The following CDCA7 variants were observed in gnomAD, a reference collection of about 807,000 sequenced individuals.
CDCA7 encodes cell division cycle associated 7.
In CDCA7, 28 loss-of-function variants were observed where a neutral mutation model predicts 54.0. That is an observed-to-expected ratio of 0.52 (90% CI 0.38 to 0.71). The LOEUF is 0.71. Ranked by LOEUF, CDCA7 falls within the 30% of genes least tolerant of loss-of-function variation. CDCA7 has a pLI of 0.00. For synonymous variants in CDCA7, 180 were observed against 208.2 expected, an observed-to-expected ratio of 0.86 and a Z score of 1.16; for missense variants, 484 against 586.0, an observed-to-expected ratio of 0.83 and a Z score of 1.80.
chr2:173,358,737 A>T lies in CDCA7; in HGVS notation c.47A>T (p.Asn16Ile), dbSNP rs1171106372. 6.2e-7 allele frequency: 1 copy of T among 1,613,860 alleles called. No individual in the cohort carries two copies. Among genetic ancestry groups the T allele is most frequent in the Non-Finnish European group, 8.5e-7 (1 of 1,179,886 alleles). The change falls in exon 2 of 10, where the codon AAC becomes ATC. Residue 16 changes from asparagine (N) to isoleucine (I), a missense_variant. Physicochemically the swap from Asn to Ile is moderately radical, Grantham distance 149. Transcript: ENST00000306721. Reference sequence around the variant, plus strand: ...CAGAAAGATCTCAGAGTAAAGAAGAACTTAAAGAAATTCAGATATGTGAAG... The same window carrying T: ...CAGAAAGATCTCAGAGTAAAGAAGATCTTAAAGAAATTCAGATATGTGAAG... ...VPQKDLRVKK[N>I]LKKFRYVKLI...
chr2:173,358,881 C>A, intron 2 of CDCA7, 44 bp downstream of exon 2: 1 of 1,584,474 alleles, frequency 6.3e-7, no homozygotes, highest in South Asian at 1.2e-5. Flanking sequence ...CTGCAGTGCT[C>A]AAAATGCCCC....
In CDCA7 at chr2:173,368,828, G is replaced by A. The variant is rs1686770358; in HGVS notation, c.*1164G>A. ...TTGATGCATAATTGGACCTTGAATC[G>A]ATAAGTGTAAATACAGCTTTTGATC... On this transcript the variant is annotated 3_prime_UTR_variant, in exon 10 of 10. Transcript: ENST00000306721. 6.6e-6 allele frequency: 1 copy of A among 152,120 alleles called. No individual in the cohort carries two copies. The highest frequency in any genetic ancestry group is 6.5e-5 in the Admixed American group (1 of 15,274). The allele number at this position is 152,120 out of a possible 1,614,324, so 9.4% of individuals were successfully genotyped here.
rs1248125230 is a variant in CDCA7, at chr2:173,363,233, A to T, written c.392A>T (p.Gln131Leu). 2 of 1,614,096 alleles carry T rather than the reference A, an allele frequency of 1.2e-6. No homozygotes were observed. The highest frequency in any genetic ancestry group is 1.7e-6 in the Non-Finnish European group (2 of 1,179,966). The change falls in exon 4 of 10, where the codon CAG becomes CTG. Residue 131 changes from glutamine to leucine, a missense_variant. By Grantham distance (113) the Gln-to-Leu change is moderately radical. This residue lies in a region of CDCA7 where 398 missense variants were observed against 447.4 expected (regional missense o/e 0.89). Transcript: ENST00000306721. The part of the protein sequence containing the change: ...ESEIQDGMRL[Q>L]SVREGCRTRS... Reference sequence around the variant, plus strand: ...CTCAATTGTTGTGATTAGAGGCTGCAGTCAGTTCGGGAAGGCTGTAGGACC... The same window carrying T: ...CTCAATTGTTGTGATTAGAGGCTGCTGTCAGTTCGGGAAGGCTGTAGGACC...
At chr2:173,365,209 G>A (rs1345838743) in intron 6 of CDCA7, among the ~76,000 whole-genome samples, 4 of 152,140 alleles carry the variant, frequency 2.6e-5, no homozygotes, top group East Asian at 1.9e-4. Context: ...TGTAGGCATC[G>A]TTTCCAAAAT....
intron 3 of CDCA7, among the ~76,000 whole-genome samples, chr2:173,362,433 T>C (rs1686638400): frequency 1.3e-5 from 2 of 152,192 alleles, no homozygotes; most frequent in African/African-American, 2.4e-5. Context: ...TGCCATTGAC[T>C]TGTATACTTA....
At chr2:173,360,150 T>G (rs1037269009) in intron 3 of CDCA7, among the ~76,000 whole-genome samples, 2 of 152,252 alleles carry the variant, frequency 1.3e-5, no homozygotes, top group African/African-American at 4.8e-5. Context: ...AAGTGCATGC[T>G]CTTCAACTCA....
chr2:173,359,240 T>A lies in CDCA7; in HGVS notation c.148-15T>A. 6.3e-7 allele frequency: 1 copy of A among 1,590,176 alleles called. No homozygotes were observed. The highest frequency in any genetic ancestry group is 1.1e-5 in the South Asian group (1 of 88,726). On this transcript the variant is annotated splice_polypyrimidine_tract_variant and intron_variant, in intron 2 of 9. Transcript: ENST00000306721. The stretch of plus-strand genomic sequence containing the variant: ...AAAAAAAATGCACAACCGCATTTAT[T>A]TATTTATTTTACAGAAACCTAAATT...
Position 173,366,303 on chromosome 2 carries a change from C to T in CDCA7, c.1056C>T (p.Cys352=). Residue 352 remains cysteine (C), a synonymous_variant, in exon 8 of 10, where the codon TGC becomes TGT. Transcript: ENST00000306721. This position sits in a 1 kb window ranked among gnomAD's most constrained non-coding sequence, Gnocchi z 4.5. ...NRSLGSTCHQ[C]RQKTIDTKTN... is the part of the protein sequence containing the mutation. ...TGTAGGGCTCTACTTGTCATCAATG[C>T]CGTCAGAAGACTATTGATACCAAAA... is the stretch of plus-strand genomic sequence containing the variant. 1.2e-6 allele frequency: 2 copies of T among 1,612,968 alleles called. No individual in the cohort carries two copies. The highest frequency in any genetic ancestry group is 1.7e-6 in the Non-Finnish European group (2 of 1,179,644).
chr2:173,361,779 A>T (rs62175710), intron 3 of CDCA7, among the ~76,000 whole-genome samples: 2 of 151,422 alleles, frequency 1.3e-5, no homozygotes, highest in Non-Finnish European at 2.9e-5. Context: ...TCTACTATGA[A>T]GTGGTGTCTC....
At chr2:173,363,046 A>G (rs1686652200) in intron 3 of CDCA7, among the ~76,000 whole-genome samples, 180 bp from the exon 4 acceptor site, 1 of 152,256 alleles carries the variant, frequency 6.6e-6, no homozygotes, top group African/African-American at 2.4e-5. Context: ...GATGGGCTAC[A>G]TGGAATTAAA....
chr2:173,362,147 A>G (rs1034014582), intron 3 of CDCA7, among the ~76,000 whole-genome samples: 6 of 152,116 alleles, frequency 3.9e-5, no homozygotes, highest in Non-Finnish European at 5.9e-5. Flanking sequence ...ACATTACCCT[A>G]TGGCTAATTT....
chr2:173,368,057 T>C lies in CDCA7; in HGVS notation c.*393T>C. The C allele has an allele frequency of 5.4e-6, 1 of 185,050 alleles. No homozygotes were observed. Among genetic ancestry groups the C allele is most frequent in the Admixed American group, 5.7e-5 (1 of 17,652 alleles). The allele number at this position is 185,050 out of a possible 1,614,324, so 11.5% of individuals were successfully genotyped here. A position where few individuals can be genotyped will look rare whatever the true frequency, so the allele number is the denominator to read the frequency against. On this transcript the variant is annotated 3_prime_UTR_variant, in exon 10 of 10. Transcript: ENST00000306721. ...AATAATAGTATTAACTAACTAGATC[T>C]ATTGAATTTCAGAGAAGAGCCTTCT...
chr2:173,365,971 G>C (rs548300521), intron 7 of CDCA7, among the ~76,000 whole-genome samples: 1 of 152,260 alleles, frequency 6.6e-6, no homozygotes, highest in East Asian at 1.9e-4. Flanking sequence ...AAGGGAAAGC[G>C]GTTTTACCAC....
rs927594064 is a variant in CDCA7, at chr2:173,366,488, A to T, written c.1185+56A>T. 1 of 1,595,904 alleles carries T rather than the reference A, an allele frequency of 6.3e-7. No individual in the cohort carries two copies. Among genetic ancestry groups the T allele is most frequent in the Non-Finnish European group, 8.6e-7 (1 of 1,169,494 alleles). ...GCTTGAAGGTCAGCCACAAACTGTG[A>T]TGAGGCCAGAAAAAGGCATTGGTGA... On this transcript the variant is annotated intron_variant, in intron 8 of 9. Coordinates refer to ENST00000306721, the MANE Select transcript of CDCA7 (RefSeq NM_031942.5). The surrounding 1 kb of genome is among the most constrained non-coding windows in gnomAD (Gnocchi z 4.5).
rs1179325189 is a variant in CDCA7, at chr2:173,366,651, G to T, written c.1185+219G>T. On this transcript the variant is annotated intron_variant, in intron 8 of 9. Coordinates refer to ENST00000306721, the MANE Select transcript of CDCA7 (RefSeq NM_031942.5). The surrounding 1 kb of genome is among the most constrained non-coding windows in gnomAD (Gnocchi z 4.5). ...CCTCCTGGGTTCAAGCGATTCTCCT[G>T]CCTCAGCCTCCCAAGTAGCTGGGAC... is the stretch of plus-strand genomic sequence containing the variant. Among the ~76,000 whole-genome samples the T allele has an allele frequency of 6.6e-6, 1 of 152,112 alleles. No homozygotes were observed. The highest frequency in any genetic ancestry group is 2.4e-5 in the African/African-American group (1 of 41,424).
At chr2:173,360,686 AG>A (rs1686603770) in intron 3 of CDCA7, among the ~76,000 whole-genome samples, 1 of 152,122 alleles carries the variant, frequency 6.6e-6, no homozygotes, top group African/African-American at 2.4e-5. Flanking sequence ...TTTGTTGCTC[AG>A]GCTGGTCTCG....
At chr2:173,355,134 T>G (rs930959975) in intron 1 of CDCA7, 150 bp downstream of exon 1, 1 of 953,584 alleles carries the variant, frequency 1.0e-6, no homozygotes, top group African/African-American at 1.7e-5. Flanking sequence ...CCCCTGATTT[T>G]GTGCACCTGG....
chr2:173,366,230 CTG>C lies in CDCA7; in HGVS notation c.1036-51_1036-50del. 6.4e-7 allele frequency: 1 copy of C among 1,558,072 alleles called. No individual in the cohort carries two copies. ...ACATTCTGTAAATATGCCATTTCCT[CTG>C]TTGAAAAACAGTGGTTTTTTTTGTT... On this transcript the variant is annotated intron_variant, in intron 7 of 9. Transcript: ENST00000306721. This position sits in a 1 kb window ranked among gnomAD's most constrained non-coding sequence, Gnocchi z 4.5.
chr2:173,354,978 C>A lies in CDCA7; in HGVS notation c.15C>A (p.Arg5=). 1.4e-6 allele frequency: 2 copies of A among 1,442,926 alleles called. No homozygotes were observed. Among genetic ancestry groups the A allele is most frequent in the Middle Eastern group, 2.4e-4 (1 of 4,116 alleles). The allele number at this position is 1,442,926 out of a possible 1,614,324, so 89.4% of individuals were successfully genotyped here. A position where few individuals can be genotyped will look rare whatever the true frequency, so the allele number is the denominator to read the frequency against. ...CCGCCACCAGCATGGACGCTCGCCGCGTGCCGGTGAGGGCTGGGCGGGCGA... is the reference window on the plus strand; with the variant it reads ...CCGCCACCAGCATGGACGCTCGCCGAGTGCCGGTGAGGGCTGGGCGGGCGA... MDAR[R]VPQKDLRVKK... The change falls in exon 1 of 10, where the codon CGC becomes CGA. Residue 5 remains arginine (R), a synonymous_variant. Transcript: ENST00000306721.
Sources: allele counts gnomAD v4.1 joint callset (sites outside exome capture counted in the v4.1 genomes callset), GRCh38; gene constraint gnomAD v4.1.1; regional missense constraint gnomAD v4.1.1; non-coding constraint Gnocchi (gnomAD v3.1); transcripts MANE v1.5; gene names NCBI Gene and HGNC (gene_info 2026-07-23, HGNC 2026-07-21).